The following TRIP4 variants were observed in gnomAD, a reference collection of about 807,000 sequenced individuals.
TRIP4 encodes the protein activating signal cointegrator 1.
Under a neutral mutation model 81.8 loss-of-function variants are expected in TRIP4, and 54 were observed. The ratio of observed to expected loss-of-function variants is 0.66; its 90% CI spans 0.53 to 0.83. The LOEUF (loss-of-function observed/expected upper bound fraction) is 0.83. Among genes scored for constraint, TRIP4 ranks in the 40% least tolerant of loss-of-function variants. The pLI, the probability that TRIP4 is intolerant of heterozygous loss-of-function variation, is 0.00. For synonymous variants in TRIP4, 270 were observed against 242.8 expected, an observed-to-expected ratio of 1.11 and a Z score of -1.04; for missense variants, 662 against 683.6, an observed-to-expected ratio of 0.97 and a Z score of 0.35.
chr15:64,409,535 A>G, intron 6 of TRIP4, 78 bp from the exon 7 acceptor site: 1 of 1,363,034 alleles, frequency 7.3e-7, no homozygotes, highest in Non-Finnish European at 1.0e-6. Flanking sequence ...ATATTAAGTT[A>G]CCTTGAAACT....
At chr15:64,394,433 A>G (rs572809225) in intron 2 of TRIP4, among the ~76,000 whole-genome samples, 4 of 151,950 alleles carry the variant, frequency 2.6e-5, no homozygotes, top group Non-Finnish European at 4.4e-5. Flanking sequence ...GTGAAACCCC[A>G]TCTCTACTAA....
chr15:64,424,320 G>A, intron 10 of TRIP4, 165 bp downstream of exon 10: 1 of 914,608 alleles, frequency 1.1e-6, no homozygotes, highest in South Asian at 1.9e-5. Flanking sequence ...AGCGTTCAAA[G>A]CATTAATCTG....
chr15:64,418,784 T>A, intron 9 of TRIP4, 56 bp downstream of exon 9: 1 of 1,458,902 alleles, frequency 6.9e-7, no homozygotes, highest in Admixed American at 2.5e-5. Context: ...ATAAATTTAA[T>A]TTAGAAATAT....
chr15:64,391,364 C>T (rs1303800134), intron 1 of TRIP4, among the ~76,000 whole-genome samples: 1 of 151,792 alleles, frequency 6.6e-6, no homozygotes, highest in Non-Finnish European at 1.5e-5. Flanking sequence ...ACCAGGTTGG[C>T]CAGGATGGTC....
At position 64,413,975 on chromosome 15, in the gene TRIP4, T is replaced by C. The variant is rs539481692; in HGVS notation, c.1044-110T>C. On this transcript the variant is annotated intron_variant, in intron 7 of 12. Transcript: ENST00000261884. ...GGAGTAGGGAAGGTCATCCATAGACTCCTCTTTATATTCCAAATTTTATTA... is the reference window on the plus strand; with the variant it reads ...GGAGTAGGGAAGGTCATCCATAGACCCCTCTTTATATTCCAAATTTTATTA... 3.1e-6 allele frequency: 4 copies of C among 1,272,770 alleles called. No individual in the cohort carries two copies. The East Asian group carries it at 1.0e-4, about 32-fold the overall frequency. 78.8% of individuals were successfully genotyped at this position (1,272,770 alleles called of 1,614,324 possible). A position where few individuals can be genotyped will look rare whatever the true frequency, so the allele number is the denominator to read the frequency against.
chr15:64,434,896 A>G (rs1049676368), intron 11 of TRIP4, among the ~76,000 whole-genome samples: 4 of 152,000 alleles, frequency 2.6e-5, no homozygotes, highest in Non-Finnish European at 4.4e-5. Context: ...TACCATGTAA[A>G]CCAAGTGGCA....
chr15:64,452,365 T>C (rs1892789525), intron 12 of TRIP4, among the ~76,000 whole-genome samples: 1 of 152,186 alleles, frequency 6.6e-6, no homozygotes, highest in African/African-American at 2.4e-5. Context: ...ATTGGAGCAT[T>C]TGGGATTTTG....
intron 7 of TRIP4, among the ~76,000 whole-genome samples, chr15:64,412,964 A>T (rs1891801375): frequency 6.6e-6 from 1 of 152,108 alleles, no homozygotes; most frequent in African/African-American, 2.4e-5. Context: ...GTATCCAATG[A>T]TTGTTTAGAT....
Position 64,445,094 on chromosome 15 carries a change from G to A in TRIP4, c.1664G>A (p.Gly555Glu), listed in dbSNP as rs1469985986. The change falls in exon 12 of 13, where the codon GGA becomes GAA. Residue 555 changes from glycine to glutamate, a missense_variant. Gly to Glu is a moderately conservative substitution (Grantham distance 98, BLOSUM62 -2). Coordinates refer to ENST00000261884, the MANE Select transcript of TRIP4 (RefSeq NM_016213.5). ...ATGGTTGTGAAGTTTCCTATTAAAG[G>A]AAATCCAAAAATCTGTAAGTCATGA... is the stretch of plus-strand genomic sequence containing the variant. Reference protein sequence around the residue: ...QEMVVKFPIKGNPKIWKLDSK... With the variant: ...QEMVVKFPIKENPKIWKLDSK... The A allele has an allele frequency of 3.8e-6, 6 of 1,593,946 alleles. No homozygotes were observed. The highest frequency in any genetic ancestry group is 4.3e-6 in the Non-Finnish European group (5 of 1,167,172).
chr15:64,399,241 C>G (rs551759233), intron 4 of TRIP4, among the ~76,000 whole-genome samples: 16 of 151,526 alleles, frequency 1.1e-4, no homozygotes, highest in Non-Finnish European at 2.1e-4. Flanking sequence ...TGTGAGCCAC[C>G]GTGCCTGGTG....
chr15:64,404,074 C>T (rs1390149096), intron 5 of TRIP4, among the ~76,000 whole-genome samples: 1 of 151,918 alleles, frequency 6.6e-6, no homozygotes, highest in African/African-American at 2.4e-5. Context: ...GCCTGTAATC[C>T]CAGCTACTCA....
At chr15:64,405,767 G>A (rs936627844) in intron 5 of TRIP4, among the ~76,000 whole-genome samples, 9 of 152,244 alleles carry the variant, frequency 5.9e-5, no homozygotes, top group African/African-American at 2.2e-4. Context: ...TGCTGAGTTG[G>A]GAGGATTGCT....
chr15:64,407,650 G>T (rs1891658277), intron 6 of TRIP4, among the ~76,000 whole-genome samples: 1 of 151,028 alleles, frequency 6.6e-6, no homozygotes, highest in Non-Finnish European at 1.5e-5. Flanking sequence ...CTGGGCAACA[G>T]AGTGAGACTC....
chr15:64,423,580 T>C (rs2140300397), intron 9 of TRIP4, among the ~76,000 whole-genome samples: 1 of 151,910 alleles, frequency 6.6e-6, no homozygotes, highest in African/African-American at 2.4e-5. Flanking sequence ...TTCTTGGGAG[T>C]TGTGTGTAGA....
At chr15:64,454,673 T>C (rs903530749) in intron 12 of TRIP4, among the ~76,000 whole-genome samples, 6 of 152,216 alleles carry the variant, frequency 3.9e-5, no homozygotes, top group African/African-American at 1.4e-4. Flanking sequence ...TTATTGCATG[T>C]GTATATTCTT....
In TRIP4 at chr15:64,418,587, C is replaced by A; in HGVS notation, c.1217C>A (p.Ser406Tyr). 6.2e-7 allele frequency: 1 copy of A among 1,613,460 alleles called. No homozygotes were observed. The highest frequency in any genetic ancestry group is 8.5e-7 in the Non-Finnish European group (1 of 1,180,012). ...GAASQKKAFR[S>Y]SGFGLEFNSF... Reference sequence around the variant, plus strand: ...GCCTCACAGAAGAAGGCTTTCCGTTCTTCAGGATTTGGACTAGAGTTCAAC... The same window carrying A: ...GCCTCACAGAAGAAGGCTTTCCGTTATTCAGGATTTGGACTAGAGTTCAAC... Residue 406 changes from serine to tyrosine, a missense_variant, in exon 9 of 13, where the codon TCT (serine) becomes TAT (tyrosine). Coordinates refer to ENST00000261884, the MANE Select transcript of TRIP4 (RefSeq NM_016213.5).
At chr15:64,439,221 A>G (rs1221506289) in intron 11 of TRIP4, among the ~76,000 whole-genome samples, 1 of 152,218 alleles carries the variant, frequency 6.6e-6, no homozygotes, top group Non-Finnish European at 1.5e-5. Context: ...GAAGGAAAAT[A>G]TAAATGAGAA....
chr15:64,416,891 G>T (rs1031050146), intron 8 of TRIP4, among the ~76,000 whole-genome samples: 4 of 152,142 alleles, frequency 2.6e-5, no homozygotes, highest in African/African-American at 7.2e-5. Flanking sequence ...AAGATCCTTA[G>T]AAATTTATTT....
intron 8 of TRIP4, among the ~76,000 whole-genome samples, chr15:64,414,602 C>T (rs1392275327): frequency 2.1e-5 from 3 of 142,572 alleles, no homozygotes; most frequent in African/African-American, 7.6e-5. Flanking sequence ...CTGCAACCTC[C>T]GCCTCCCAGG....
Sources: allele counts gnomAD v4.1 joint callset (sites outside exome capture counted in the v4.1 genomes callset), GRCh38; gene constraint gnomAD v4.1.1; transcripts MANE v1.5; gene names NCBI Gene and HGNC (gene_info 2026-07-23, HGNC 2026-07-21).